The following CYP4Z1 variants were observed in gnomAD, a reference collection of about 807,000 sequenced individuals.
CYP4Z1 encodes cytochrome P450 family 4 subfamily Z member 1, also known as cytochrome P450 4Z1.
CYP4Z1 carries 41 observed loss-of-function variants against 54.2 expected under a neutral mutation model. The observed-to-expected ratio is 0.76, with a 90% CI of 0.59 to 0.98. CYP4Z1 has a LOEUF of 0.98. Among genes scored for constraint, CYP4Z1 ranks in the 50% least tolerant of loss-of-function variants. The probability of loss-of-function intolerance (pLI) is 0.00; values close to 1 mark genes in which losing one functional copy is unlikely to be tolerated. For synonymous variants in CYP4Z1, 163 were observed against 206.2 expected (o/e 0.79, Z 1.79); for missense variants, 513 against 599.0 (o/e 0.86, Z 1.50).
chr1:47,111,064 A>T (rs1967757), intron 9 of CYP4Z1, among the ~76,000 whole-genome samples: 65,265 of 151,844 alleles, frequency 0.43, 15,387 homozygotes, highest in East Asian at 0.96. Flanking sequence ...CTCAGTCAGT[A>T]AGCTAGCTGG....
chr1:47,104,650 C>G (rs182501506), intron 8 of CYP4Z1, among the ~76,000 whole-genome samples: 118 of 152,232 alleles, frequency 7.8e-4, no homozygotes, highest in African/African-American at 2.5e-3. Context: ...ATTGAGTGAG[C>G]CCAACCTCAG....
At chr1:47,069,650 C>A (rs1644477773) in intron 2 of CYP4Z1, among the ~76,000 whole-genome samples, 1 of 151,882 alleles carries the variant, frequency 6.6e-6, no homozygotes, top group Non-Finnish European at 1.5e-5. Context: ...TCTTCTTTAT[C>A]TACAAATTCT....
chr1:47,113,030 TC>T (rs1644804502), intron 9 of CYP4Z1, among the ~76,000 whole-genome samples: 1 of 151,622 alleles, frequency 6.6e-6, no homozygotes, highest in Non-Finnish European at 1.5e-5. Context: ...ATACTCTCAC[TC>T]TCTGCTTAAA....
intron 9 of CYP4Z1, among the ~76,000 whole-genome samples, chr1:47,107,582 C>T (rs1267820389): frequency 1.3e-5 from 2 of 152,104 alleles, no homozygotes; most frequent in African/African-American, 2.4e-5. Flanking sequence ...CTTTTACTAC[C>T]TTTTCCCTTA....
chr1:47,061,332 A>G, the CYP4Z1 span, among the ~76,000 whole-genome samples: 1 of 152,192 alleles, frequency 6.6e-6, no homozygotes, highest in Non-Finnish European at 1.5e-5. Flanking sequence ...AGACACAATT[A>G]GAAATAACAA....
In CYP4Z1 at chr1:47,117,837, A is replaced by G. The variant is rs771368249; in HGVS notation, c.1421A>G (p.Lys474Arg). ...VAVALTLLRF[K>R]LAPDHSRPPQ... is the part of the protein sequence containing the mutation. ...GTGGCATTAACTCTGCTCCGCTTCA[A>G]GCTGGCTCCAGACCACTCAAGGCCT... is the stretch of plus-strand genomic sequence containing the variant. The change falls in exon 12 of 12, where the codon AAG becomes AGG. Residue 474 changes from lysine to arginine, a missense_variant. Transcript: ENST00000334194. 6.2e-7 allele frequency: 1 copy of G among 1,613,760 alleles called. No individual in the cohort carries two copies. The highest frequency in any genetic ancestry group is 1.7e-5 in the Admixed American group (1 of 59,928).
intron 6 of CYP4Z1, among the ~76,000 whole-genome samples, chr1:47,094,161 G>T (rs540776540): frequency 4.0e-4 from 61 of 152,214 alleles, no homozygotes; most frequent in Middle Eastern, 3.4e-3. Flanking sequence ...CATGAGATAT[G>T]ACATCTCATC....
intron 6 of CYP4Z1, among the ~76,000 whole-genome samples, chr1:47,086,825 A>G (rs1187935306): frequency 1.3e-5 from 2 of 152,086 alleles, no homozygotes; most frequent in African/African-American, 2.4e-5. Flanking sequence ...TTATGGTTTT[A>G]TGTCTAACAT....
intron 8 of CYP4Z1, among the ~76,000 whole-genome samples, chr1:47,105,888 G>T (rs1387781854): frequency 1.3e-5 from 2 of 150,428 alleles, no homozygotes; most frequent in Non-Finnish European, 2.9e-5. Context: ...CCTGGAATAA[G>T]TATGTCTCAG....
At chr1:47,096,876 C>G (rs1234044544) in intron 7 of CYP4Z1, 1 of 152,030 alleles carries the variant, frequency 6.6e-6, no homozygotes. Context: ...ATGATCTGCC[C>G]GCCTCAGCCT....
intron 8 of CYP4Z1, among the ~76,000 whole-genome samples, chr1:47,100,923 T>G (rs1242869177): frequency 6.6e-6 from 1 of 152,214 alleles, no homozygotes; most frequent in Non-Finnish European, 1.5e-5. Flanking sequence ...TTGTTAGCGA[T>G]TCAATCTCAC....
At chr1:47,104,814 A>T (rs959584848) in intron 8 of CYP4Z1, among the ~76,000 whole-genome samples, 4 of 152,228 alleles carry the variant, frequency 2.6e-5, no homozygotes, top group Middle Eastern at 3.4e-3. Flanking sequence ...TGGCTATGGT[A>T]GGCAGGGACA....
chr1:47,067,486 G>A lies in CYP4Z1; in HGVS notation c.-5G>A. 4 of 1,601,122 alleles carry A rather than the reference G, an allele frequency of 2.5e-6. No homozygotes were observed. The highest frequency in any genetic ancestry group is 3.4e-6 in the Non-Finnish European group (4 of 1,172,554). ...GCTCTCCAGAGCTCAGGACCTCTGA[G>A]AAGAATGGAGCCCTCCTGGCTTCAG... On this transcript the variant is annotated 5_prime_UTR_variant, in exon 1 of 12. Coordinates refer to ENST00000334194, the MANE Select transcript of CYP4Z1 (RefSeq NM_178134.3).
At chr1:47,091,728 AAATT>A (rs1174581570) in intron 6 of CYP4Z1, among the ~76,000 whole-genome samples, 2 of 149,804 alleles carry the variant, frequency 1.3e-5, no homozygotes, top group Non-Finnish European at 3.0e-5. Flanking sequence ...GTAAACAGTT[AAATT>A]ATTTCCTAGG....
chr1:47,093,306 C>T (rs568385847), intron 6 of CYP4Z1, among the ~76,000 whole-genome samples: 42 of 151,464 alleles, frequency 2.8e-4, no homozygotes, highest in African/African-American at 1.0e-3. Context: ...TTCTTGGGTC[C>T]CAGCACCCTG....
At chr1:47,086,809 G>T (rs906338765) in intron 6 of CYP4Z1, among the ~76,000 whole-genome samples, 2 of 152,140 alleles carry the variant, frequency 1.3e-5, no homozygotes, top group Admixed American at 6.5e-5. Context: ...TTTTCTTCTA[G>T]GGTTTTTATG....
At chr1:47,117,673 C>A in intron 11 of CYP4Z1, 93 bp from the exon 12 acceptor site, 1 of 1,368,444 alleles carries the variant, frequency 7.3e-7, no homozygotes, top group Non-Finnish European at 9.7e-7. Flanking sequence ...TCTTGTTTCC[C>A]TACAAAAGTC....
At chr1:47,082,565 T>C (rs1644562785) in intron 4 of CYP4Z1, 104 bp downstream of exon 4, 1 of 1,493,382 alleles carries the variant, frequency 6.7e-7, no homozygotes, top group Non-Finnish European at 9.0e-7. Flanking sequence ...TTCACAGCAG[T>C]TTATATGGGG....
upstream of CYP4Z1, among the ~76,000 whole-genome samples, chr1:47,064,704 CTAATAT>C (rs1004266277): frequency 7.2e-5 from 11 of 152,018 alleles, no homozygotes; most frequent in Admixed American, 3.3e-4. Context: ...CATATCAATA[CTAATAT>C]TGAGTGTAAA....
Sources: gnomAD v4.1 joint callset for allele counts (sites outside exome capture counted in the v4.1 genomes callset) on GRCh38, gnomAD v4.1.1 for gene constraint, MANE v1.5 for transcripts, NCBI Gene and HGNC (gene_info 2026-07-23, HGNC 2026-07-21) for gene names.